The following LRRTM4 variants were observed in gnomAD, a reference collection of about 807,000 sequenced individuals.
LRRTM4 encodes the protein leucine rich repeat transmembrane neuronal 4, also known as leucine-rich repeat transmembrane neuronal protein 4.
Under a neutral mutation model 47.6 loss-of-function variants are expected in LRRTM4, and 25 were observed. That is an observed-to-expected ratio of 0.53 (90% CI 0.38 to 0.73). LRRTM4 has a LOEUF of 0.73. Among genes scored for constraint, LRRTM4 ranks in the 30% least tolerant of loss-of-function variants. The pLI, the probability that LRRTM4 is intolerant of heterozygous loss-of-function variation, is 0.00. For synonymous variants in LRRTM4, 311 were observed against 269.5 expected (o/e 1.15, Z -1.51); for missense variants, 638 against 713.4 (o/e 0.89, Z 1.20).
intron 3 of LRRTM4, among the ~76,000 whole-genome samples, chr2:76,790,287 G>A (rs1029828045): frequency 5.9e-5 from 9 of 152,084 alleles, no homozygotes; most frequent in Non-Finnish European, 1.2e-4. Context: ...ATATGGTGCA[G>A]GATCTTCATG....
At chr2:77,228,268 T>C (rs912139461) in intron 3 of LRRTM4, among the ~76,000 whole-genome samples, 1 of 152,116 alleles carries the variant, frequency 6.6e-6, no homozygotes, top group African/African-American at 2.4e-5. Context: ...TATATTTACA[T>C]TGGTAAGTGT....
intron 3 of LRRTM4, among the ~76,000 whole-genome samples, chr2:77,363,548 C>A (rs187789056): frequency 6.6e-6 from 1 of 152,232 alleles, no homozygotes; most frequent in Non-Finnish European, 1.5e-5. Flanking sequence ...ATCAGGGCCA[C>A]GCATAATTGC....
In LRRTM4 at chr2:77,083,802, T is replaced by G. The variant is rs796844400; in HGVS notation, c.1552-334886A>C. Reference sequence around the variant, plus strand: ...GACACACTTTTTTTTTTTTTTTTTTTTTTTTTTTTTTTTTTTTTTTCAGAC... The same window carrying G: ...GACACACTTTTTTTTTTTTTTTTTTGTTTTTTTTTTTTTTTTTTTTCAGAC... On this transcript the variant is annotated intron_variant, in intron 3 of 3. Transcript: ENST00000409884. 7.2e-3 allele frequency among the ~76,000 whole-genome samples: 763 copies of G among 105,496 alleles called. 43 individuals are homozygous for G. Among genetic ancestry groups the G allele is most frequent in the African/African-American group, 0.022 (580 of 26,298 alleles). The allele number at this position is 105,496 out of a possible 152,430, so 69.2% of individuals were successfully genotyped here. A position where few individuals can be genotyped will look rare whatever the true frequency, so the allele number is the denominator to read the frequency against.
intron 3 of LRRTM4, among the ~76,000 whole-genome samples, chr2:77,425,376 T>C (rs1468450889): frequency 2.6e-5 from 4 of 152,204 alleles, no homozygotes; most frequent in Non-Finnish European, 4.4e-5. Flanking sequence ...CCACTGGATA[T>C]TCTCCAACCA....
intron 3 of LRRTM4, chr2:77,517,978 C>A: frequency 9.7e-7 from 1 of 1,030,188 alleles, no homozygotes; most frequent in East Asian, 8.4e-5. Context: ...ACACCAAGAA[C>A]CAGACAGAAA....
At chr2:77,136,191 C>A (rs1014953506) in intron 3 of LRRTM4, among the ~76,000 whole-genome samples, 1 of 152,116 alleles carries the variant, frequency 6.6e-6, no homozygotes, top group Non-Finnish European at 1.5e-5. Context: ...CAAGTGGGTC[C>A]CTGACCCCTG....
chr2:77,089,860 A>T (rs1410007098), intron 3 of LRRTM4, among the ~76,000 whole-genome samples: 4 of 152,300 alleles, frequency 2.6e-5, no homozygotes, highest in African/African-American at 9.6e-5. Context: ...TAAAATAGGC[A>T]AACGGTCTGA....
chr2:77,202,176 A>C (rs940299689), intron 3 of LRRTM4, among the ~76,000 whole-genome samples: 2 of 152,100 alleles, frequency 1.3e-5, no homozygotes. Context: ...TATTGGCAAA[A>C]GTGATTTGTG....
intron 3 of LRRTM4, among the ~76,000 whole-genome samples, chr2:76,749,232 G>T (rs1468469826): frequency 6.6e-6 from 1 of 152,098 alleles, no homozygotes; most frequent in Non-Finnish European, 1.5e-5. Flanking sequence ...AATTGATTAT[G>T]TAGATCCTAC....
intron 3 of LRRTM4, among the ~76,000 whole-genome samples, chr2:76,816,819 GTTTTTTTTTTTTTTTT>G (rs201525166): frequency 0.051 from 4,886 of 96,552 alleles, 207 homozygotes; most frequent in East Asian, 0.12. Context: ...GAGGTAAAGA[GTTTTTTTTTTTTTTTT>G]TTTTTTTTTT....
At chr2:77,059,345 C>G (rs1679710309) in intron 3 of LRRTM4, among the ~76,000 whole-genome samples, 1 of 151,018 alleles carries the variant, frequency 6.6e-6, no homozygotes, top group Admixed American at 6.6e-5. Context: ...GTAGAGTTGT[C>G]TTAATATTCC....
intron 3 of LRRTM4, among the ~76,000 whole-genome samples, chr2:77,213,666 C>G (rs373789631): frequency 6.6e-6 from 1 of 152,222 alleles, no homozygotes; most frequent in Admixed American, 6.5e-5. Context: ...CAGTGGGTGA[C>G]TGAGGTCTAT....
At chr2:76,925,484 A>G (rs2178574) in intron 3 of LRRTM4, among the ~76,000 whole-genome samples, 53,997 of 151,986 alleles carry the variant, frequency 0.36, 10,456 homozygotes, top group East Asian at 0.72. Flanking sequence ...ACTTCAAGAT[A>G]AAAAATGAGT....
chr2:77,155,318 C>T (rs1672532004), intron 3 of LRRTM4, among the ~76,000 whole-genome samples: 1 of 151,354 alleles, frequency 6.6e-6, no homozygotes, highest in African/African-American at 2.4e-5. Context: ...AAGTAAGATA[C>T]TGATAGTCAT....
intron 3 of LRRTM4, among the ~76,000 whole-genome samples, chr2:77,262,154 T>C (rs1675934641): frequency 6.6e-6 from 1 of 152,108 alleles, no homozygotes; most frequent in Non-Finnish European, 1.5e-5. Flanking sequence ...GACCGTCTAG[T>C]TGCAGAAAGA....
At chr2:77,467,668 T>A (rs1922804) in intron 3 of LRRTM4, among the ~76,000 whole-genome samples, 43,904 of 152,116 alleles carry the variant, frequency 0.29, 6,611 homozygotes, top group African/African-American at 0.36. Context: ...TAGAGTGAGA[T>A]TGAGTTCATA....
chr2:77,057,910 A>C (rs1186055266), intron 3 of LRRTM4, among the ~76,000 whole-genome samples: 2 of 152,312 alleles, frequency 1.3e-5, no homozygotes, highest in East Asian at 3.9e-4. Flanking sequence ...ACTTATCCTA[A>C]GAGTTTGGAT....
At chr2:77,503,563 T>C (rs1318458435) in intron 3 of LRRTM4, among the ~76,000 whole-genome samples, 1 of 151,684 alleles carries the variant, frequency 6.6e-6, no homozygotes, top group Non-Finnish European at 1.5e-5. Flanking sequence ...AGAAATAACA[T>C]GTTTATTTTT....
chr2:76,862,349 AT>A (rs1466426901), intron 3 of LRRTM4, among the ~76,000 whole-genome samples: 1 of 152,184 alleles, frequency 6.6e-6, no homozygotes, highest in Non-Finnish European at 1.5e-5. Flanking sequence ...AGAAAATGCT[AT>A]CTTCAAGACC....
Sources: allele counts gnomAD v4.1 joint callset (sites outside exome capture counted in the v4.1 genomes callset), GRCh38; gene constraint gnomAD v4.1.1; transcripts MANE v1.5; gene names NCBI Gene and HGNC (gene_info 2026-07-23, HGNC 2026-07-21).